Variants in GRIK2 observed in about 807,000 individuals in gnomAD.
GRIK2 encodes glutamate ionotropic receptor kainate type subunit 2.
A neutral mutation model predicts 100.3 loss-of-function variants in GRIK2; 32 were observed. The ratio of observed to expected loss-of-function variants is 0.32; its 90% CI spans 0.24 to 0.43. GRIK2 has a LOEUF of 0.43. Among genes scored for constraint, GRIK2 ranks in the 20% least tolerant of loss-of-function variants. The probability of loss-of-function intolerance (pLI) is 1.00; values close to 1 mark genes in which losing one functional copy is unlikely to be tolerated. For synonymous variants in GRIK2, 417 were observed against 389.4 expected (o/e 1.07, Z -0.83); for missense variants, 843 against 1,114.9 (o/e 0.76, Z 3.47).
chr6:101,429,733 T>C (rs1769271254), intron 2 of GRIK2, among the ~76,000 whole-genome samples: 1 of 152,172 alleles, frequency 6.6e-6, no homozygotes, highest in South Asian at 2.1e-4. Context: ...TATTTTTCCT[T>C]ACACAATGAC....
intron 2 of GRIK2, among the ~76,000 whole-genome samples, chr6:101,575,834 A>AT (rs1269919634): frequency 1.3e-5 from 2 of 151,936 alleles, no homozygotes. Context: ...TGTCATCATT[A>AT]TTTCTGTTTC....
chr6:101,986,350 T>C (rs572104187), intron 14 of GRIK2, among the ~76,000 whole-genome samples: 1 of 151,912 alleles, frequency 6.6e-6, no homozygotes, highest in Non-Finnish European at 1.5e-5. Context: ...GTGAGAGAGT[T>C]ATACTTCACA....
chr6:101,887,611 A>G (rs911039649), intron 11 of GRIK2, among the ~76,000 whole-genome samples: 1 of 152,120 alleles, frequency 6.6e-6, no homozygotes, highest in Non-Finnish European at 1.5e-5. Flanking sequence ...GGTTCAATTG[A>G]CTTACAGTTC....
intron 8 of GRIK2, among the ~76,000 whole-genome samples, chr6:101,800,137 A>G (rs943205854): frequency 2.6e-5 from 4 of 152,098 alleles, no homozygotes; most frequent in African/African-American, 9.6e-5. Context: ...CTACAGCAAA[A>G]TTATACCTAA....
At chr6:102,020,909 T>G (rs1382740402) in intron 14 of GRIK2, among the ~76,000 whole-genome samples, 5 of 151,886 alleles carry the variant, frequency 3.3e-5, no homozygotes, top group Non-Finnish European at 7.4e-5. Flanking sequence ...TTCAAGCAAA[T>G]TTAAAATAAA....
intron 2 of GRIK2, among the ~76,000 whole-genome samples, chr6:101,605,514 G>A (rs967890126): frequency 1.3e-5 from 2 of 151,534 alleles, no homozygotes; most frequent in Non-Finnish European, 1.5e-5. Flanking sequence ...TATTAACACA[G>A]GTATTTAAAA....
At chr6:101,480,907 C>T (rs1205348029) in intron 2 of GRIK2, among the ~76,000 whole-genome samples, 1 of 152,016 alleles carries the variant, frequency 6.6e-6, no homozygotes, top group African/African-American at 2.4e-5. Context: ...AGTAAAAAAA[C>T]CTGATCATAG....
At chr6:101,889,195 T>C (rs892734334) in intron 11 of GRIK2, among the ~76,000 whole-genome samples, 2 of 152,076 alleles carry the variant, frequency 1.3e-5, no homozygotes, top group Non-Finnish European at 1.5e-5. Context: ...GAAATGTCTG[T>C]TAATTCTCAG....
chr6:101,876,285 A>G (rs1785834503), intron 11 of GRIK2, among the ~76,000 whole-genome samples: 1 of 151,784 alleles, frequency 6.6e-6, no homozygotes, highest in Admixed American at 6.6e-5. Context: ...AAATGTTTGC[A>G]GAAGCTTTTC....
rs149622298 is a variant in GRIK2, at chr6:101,561,355, T to C, written c.116-60594T>C. 1.5e-3 allele frequency among the ~76,000 whole-genome samples: 222 copies of C among 150,692 alleles called. 1 individual carries two copies. The highest frequency in any genetic ancestry group is 4.8e-3 in the African/African-American group (197 of 40,970). ...GATCTCATGGAGGCAGAGAATGTAATAGTGGTTACCAAAGACTGGGAGGGG... is the reference window on the plus strand; with the variant it reads ...GATCTCATGGAGGCAGAGAATGTAACAGTGGTTACCAAAGACTGGGAGGGG... On this transcript the variant is annotated intron_variant, in intron 2 of 16. Transcript: ENST00000369134.
chr6:101,797,360 T>C (rs1780370968), intron 7 of GRIK2, among the ~76,000 whole-genome samples: 1 of 151,922 alleles, frequency 6.6e-6, no homozygotes, highest in South Asian at 2.1e-4. Flanking sequence ...GCCAAAAGCA[T>C]TCCTGAACAG....
At chr6:101,559,225 A>C (rs2128294946) in intron 2 of GRIK2, among the ~76,000 whole-genome samples, 2 of 152,268 alleles carry the variant, frequency 1.3e-5, no homozygotes, top group Middle Eastern at 3.4e-3. Flanking sequence ...CAGAGTTAAA[A>C]TATAGTTTAA....
At chr6:101,479,472 C>T (rs939385754) in intron 2 of GRIK2, among the ~76,000 whole-genome samples, 3 of 152,000 alleles carry the variant, frequency 2.0e-5, no homozygotes, top group African/African-American at 4.8e-5. Flanking sequence ...TCCTACATAC[C>T]AATTAGGTGA....
intron 2 of GRIK2, among the ~76,000 whole-genome samples, chr6:101,557,931 T>C (rs1776823451): frequency 6.6e-6 from 1 of 152,220 alleles, no homozygotes; most frequent in South Asian, 2.1e-4. Context: ...CCCTTATTCA[T>C]TGGCTGAACT....
chr6:101,816,436 C>T (rs541917282), intron 9 of GRIK2, among the ~76,000 whole-genome samples: 1 of 152,284 alleles, frequency 6.6e-6, no homozygotes, highest in South Asian at 2.1e-4. Flanking sequence ...AATCCCAGCA[C>T]TTTGGGAGGC....
chr6:102,013,684 A>T (rs190553806), intron 14 of GRIK2, among the ~76,000 whole-genome samples: 6 of 152,116 alleles, frequency 3.9e-5, no homozygotes, highest in African/African-American at 1.4e-4. Flanking sequence ...ATCTATTAAG[A>T]TAATCATGTG....
intron 14 of GRIK2, among the ~76,000 whole-genome samples, chr6:101,964,595 A>T (rs1189610424): frequency 6.6e-6 from 1 of 152,144 alleles, no homozygotes; most frequent in Non-Finnish European, 1.5e-5. Flanking sequence ...TTATATTGGA[A>T]GATGCCCTTG....
intron 7 of GRIK2, among the ~76,000 whole-genome samples, chr6:101,771,134 C>CT (rs1455396607): frequency 6.6e-6 from 1 of 152,046 alleles, no homozygotes; most frequent in Non-Finnish European, 1.5e-5. Context: ...AAACTAAACT[C>CT]TAAGACTGTT....
Position 101,622,132 on chromosome 6 carries a change from T to G in GRIK2, c.283+16T>G, listed in dbSNP as rs1230365935. The G allele has an allele frequency of 6.1e-6, 9 of 1,479,022 alleles. No individual in the cohort carries two copies. The highest frequency in any genetic ancestry group is 8.4e-6 in the Non-Finnish European group (9 of 1,072,280). The allele number at this position is 1,479,022 out of a possible 1,614,324, so 91.6% of individuals were successfully genotyped here. On this transcript the variant is annotated intron_variant, in intron 3 of 16. Transcript: ENST00000369134. ...TCCAAGAAAGGTAATTGATAGATTT[T>G]TAACATCTTTGTTTCCTGGAATTCA...
Sources: gnomAD v4.1 joint callset for allele counts (sites outside exome capture counted in the v4.1 genomes callset) on GRCh38, gnomAD v4.1.1 for gene constraint, MANE v1.5 for transcripts, NCBI Gene and HGNC (gene_info 2026-07-23, HGNC 2026-07-21) for gene names.